NMNAT1: variants seen among roughly 807,000 people sequenced by gnomAD.
NMNAT1 encodes the protein nicotinamide/nicotinic acid mononucleotide adenylyltransferase 1.
NMNAT1 carries 11 observed loss-of-function variants against 16.7 expected under a neutral mutation model. The observed-to-expected ratio is 0.66, with a 90% CI of 0.41 to 1.09. The LOEUF (loss-of-function observed/expected upper bound fraction) is 1.09, where lower values mean the gene tolerates loss of function less well. Among genes scored for constraint, NMNAT1 ranks in the 50% least tolerant of loss-of-function variants. The probability of loss-of-function intolerance (pLI) is 0.00; values close to 1 mark genes in which losing one functional copy is unlikely to be tolerated. For missense variants in NMNAT1, 280 were observed against 332.3 expected (o/e 0.84, Z 1.22); for synonymous variants, 110 against 119.8 (o/e 0.92, Z 0.53).
chr1:9,994,204 G>A, the NMNAT1 span, among the ~76,000 whole-genome samples: 1 of 144,934 alleles, frequency 6.9e-6, no homozygotes, highest in Non-Finnish European at 1.5e-5. Context: ...TCTGCCTCCC[G>A]GGTTCAAGTG....
chr1:9,965,738 C>T (rs571936593), intron 1 of NMNAT1, among the ~76,000 whole-genome samples: 10 of 152,246 alleles, frequency 6.6e-5, no homozygotes, highest in African/African-American at 1.9e-4. Context: ...CACAGTAGCT[C>T]ATGCCTGTAA....
At chr1:9,996,309 C>CAAAAAAAAAAAA in the NMNAT1 span, among the ~76,000 whole-genome samples, 1 of 101,916 alleles carries the variant, frequency 9.8e-6, no homozygotes, top group Non-Finnish European at 2.0e-5. Context: ...GACTCCGTCT[C>CAAAAAAAAAAAA]AAAAAAAAAA....
chr1:9,946,723 C>A (rs1411234166), intron 1 of NMNAT1, among the ~76,000 whole-genome samples: 1 of 152,028 alleles, frequency 6.6e-6, no homozygotes, highest in African/African-American at 2.4e-5. Context: ...TAAATGAGGT[C>A]ATAAGTGTGG....
At chr1:9,962,928 G>A (rs532881719) in intron 1 of NMNAT1, among the ~76,000 whole-genome samples, 3 of 151,972 alleles carry the variant, frequency 2.0e-5, no homozygotes, top group South Asian at 2.1e-4. Flanking sequence ...TGATCCGCCC[G>A]TCTCGGCCTC....
the NMNAT1 span, among the ~76,000 whole-genome samples, chr1:9,992,060 G>A: frequency 0.96 from 145,757 of 151,186 alleles, 70,486 homozygotes; most frequent in East Asian, 1. Flanking sequence ...AAATAAATAA[G>A]TAAGTAAATA....
At position 9,975,790 on chromosome 1, in the gene NMNAT1, A is replaced by T. The variant is rs1304573232; in HGVS notation, c.299+15A>T. ...AAGGTGCTAAGGTATTTATGGTGTAATCAACTTTGTCAGTTCTGTGTAAAT... is the reference window on the plus strand; with the variant it reads ...AAGGTGCTAAGGTATTTATGGTGTATTCAACTTTGTCAGTTCTGTGTAAAT... On this transcript the variant is annotated intron_variant, in intron 3 of 4. Transcript: ENST00000377205. 1 of 1,597,606 alleles carries T rather than the reference A, an allele frequency of 6.3e-7. No homozygotes were observed. The highest frequency in any genetic ancestry group is 2.2e-5 in the East Asian group (1 of 44,740).
intron 1 of NMNAT1, among the ~76,000 whole-genome samples, chr1:9,951,745 G>C (rs1641116378): frequency 6.6e-6 from 1 of 152,176 alleles, no homozygotes; most frequent in Non-Finnish European, 1.5e-5. Flanking sequence ...AAAGTACTGG[G>C]ATTAGAGGCG....
chr1:9,996,585 TTTC>T, the NMNAT1 span, among the ~76,000 whole-genome samples: 1 of 152,068 alleles, frequency 6.6e-6, no homozygotes, highest in Non-Finnish European at 1.5e-5. Flanking sequence ...TGCTGGGTAA[TTTC>T]TTTTCTTTTT....
intron 1 of NMNAT1, among the ~76,000 whole-genome samples, chr1:9,950,244 C>G (rs1641076519): frequency 6.6e-6 from 1 of 152,122 alleles, no homozygotes; most frequent in Admixed American, 6.6e-5. Flanking sequence ...GCACCTGCAA[C>G]CATGCCCGGC....
chr1:9,972,786 C>T (rs1205885910), intron 2 of NMNAT1, among the ~76,000 whole-genome samples: 1 of 152,046 alleles, frequency 6.6e-6, no homozygotes, highest in African/African-American at 2.4e-5. Flanking sequence ...AGAGAGACCT[C>T]ATCTCTACAA....
At chr1:9,992,806 G>A in the NMNAT1 span, among the ~76,000 whole-genome samples, 4 of 152,118 alleles carry the variant, frequency 2.6e-5, no homozygotes, top group Non-Finnish European at 4.4e-5. Flanking sequence ...CAGCTACTCA[G>A]GAGGCTGAGG....
intron 1 of NMNAT1, among the ~76,000 whole-genome samples, chr1:9,959,749 A>G (rs1245112370): frequency 1.3e-5 from 2 of 152,106 alleles, no homozygotes; most frequent in Non-Finnish European, 2.9e-5. Flanking sequence ...CTTCACTGTA[A>G]ACTATTAAAT....
intron 2 of NMNAT1, 183 bp downstream of exon 2, chr1:9,972,371 C>T: frequency 2.1e-6 from 1 of 475,132 alleles, no homozygotes; most frequent in East Asian, 3.7e-5. Context: ...TTCACTGTGC[C>T]TGTAGTCCTA....
At chr1:9,990,715 G>C in the NMNAT1 span, among the ~76,000 whole-genome samples, 2 of 152,152 alleles carry the variant, frequency 1.3e-5, no homozygotes, top group African/African-American at 4.8e-5. Context: ...CAGATGAGAG[G>C]TTCCATGATA....
rs113714734 is a variant in NMNAT1, at chr1:9,948,710, C to G, written c.-57+5195C>G. Reference sequence around the variant, plus strand: ...TGTTGCCTAGGCTGGAGTGCAATGGCCCCATCTCAGCTCACTGCAACCTCC... The same window carrying G: ...TGTTGCCTAGGCTGGAGTGCAATGGGCCCATCTCAGCTCACTGCAACCTCC... On this transcript the variant is annotated intron_variant, in intron 1 of 4. Transcript: ENST00000377205. 7.5e-3 allele frequency among the ~76,000 whole-genome samples: 1,134 copies of G among 151,020 alleles called. 17 individuals carry two copies. The highest frequency in any genetic ancestry group is 0.027 in the African/African-American group (1,094 of 41,110).
chr1:9,988,855 G>T (rs1028667565), downstream of NMNAT1, among the ~76,000 whole-genome samples: 2 of 151,678 alleles, frequency 1.3e-5, no homozygotes, highest in Non-Finnish European at 2.9e-5. Context: ...TAGTAGAGAT[G>T]GGGTTTTGTC....
chr1:9,944,456 G>A (rs967521779), intron 1 of NMNAT1, among the ~76,000 whole-genome samples: 3 of 152,156 alleles, frequency 2.0e-5, no homozygotes, highest in African/African-American at 7.2e-5. Flanking sequence ...TCTTCCTGAA[G>A]TAGTCCACAG....
At chr1:9,964,974 C>T (rs1181174884) in intron 1 of NMNAT1, among the ~76,000 whole-genome samples, 1 of 149,968 alleles carries the variant, frequency 6.7e-6, no homozygotes, top group Non-Finnish European at 1.5e-5. Flanking sequence ...AAAAAATTCC[C>T]CAAAGTTTTG....
At chr1:9,976,371 T>C (rs557269964) in intron 3 of NMNAT1, among the ~76,000 whole-genome samples, 1 of 152,218 alleles carries the variant, frequency 6.6e-6, no homozygotes, top group South Asian at 2.1e-4. Flanking sequence ...GCCTGGGCTT[T>C]CTGTGCCCCA....
Sources: allele counts gnomAD v4.1 joint callset (sites outside exome capture counted in the v4.1 genomes callset), GRCh38; gene constraint gnomAD v4.1.1; transcripts MANE v1.5; gene names NCBI Gene and HGNC (gene_info 2026-07-23, HGNC 2026-07-21).